IQCM: variants seen among roughly 807,000 people sequenced by gnomAD.
IQCM encodes IQ motif containing M, also known as IQ domain-containing protein M.
Under a neutral mutation model 57.6 loss-of-function variants are expected in IQCM, and 45 were observed. The observed-to-expected ratio is 0.78, with a 90% confidence interval of 0.62 to 1.00. The LOEUF is 1.00. Among genes scored for constraint, IQCM ranks in the 50% least tolerant of loss-of-function variants. IQCM has a pLI of 0.00. For synonymous variants in IQCM, 148 were observed against 158.9 expected, an observed-to-expected ratio of 0.93 and a Z score of 0.51; for missense variants, 468 against 511.6, an observed-to-expected ratio of 0.91 and a Z score of 0.82.
chr4:149,565,794 A>C (rs1384458511), intron 9 of IQCM, among the ~76,000 whole-genome samples: 1 of 152,142 alleles, frequency 6.6e-6, no homozygotes, highest in Admixed American at 6.6e-5. Context: ...TATGTGTGTA[A>C]ATGAAAAAAA....
At chr4:149,780,879 A>G (rs1234422218) in intron 2 of IQCM, among the ~76,000 whole-genome samples, 1 of 152,158 alleles carries the variant, frequency 6.6e-6, no homozygotes, top group Non-Finnish European at 1.5e-5. Flanking sequence ...GGAATGTATT[A>G]AATGCACTGT....
chr4:149,683,216 C>T (rs1762311250), intron 6 of IQCM, among the ~76,000 whole-genome samples: 1 of 150,932 alleles, frequency 6.6e-6, no homozygotes, highest in Non-Finnish European at 1.5e-5. Flanking sequence ...GTTGGTTTTG[C>T]TTTTTTGTTG....
intron 9 of IQCM, among the ~76,000 whole-genome samples, chr4:149,574,155 T>TGTC (rs749548850): frequency 4.6e-5 from 7 of 151,984 alleles, no homozygotes; most frequent in Non-Finnish European, 1.0e-4. Flanking sequence ...GTATTGTGAC[T>TGTC]GTCAGATACA....
chr4:149,409,833 C>T (rs139859944), intron 13 of IQCM, among the ~76,000 whole-genome samples: 1 of 152,272 alleles, frequency 6.6e-6, no homozygotes, highest in Non-Finnish European at 1.5e-5. Flanking sequence ...TTATTGGTCT[C>T]TACCTCTCCT....
chr4:149,371,033 G>A (rs61140595), intron 13 of IQCM, among the ~76,000 whole-genome samples: 12,369 of 152,040 alleles, frequency 0.081, 689 homozygotes, highest in African/African-American at 0.16. Flanking sequence ...GGAATTTCTC[G>A]AATTTCCTTC....
chr4:149,554,660 T>C (rs4835590), intron 10 of IQCM, among the ~76,000 whole-genome samples: 147,769 of 151,832 alleles, frequency 0.97, 72,006 homozygotes, highest in East Asian at 1. Flanking sequence ...TGTTTGTTTC[T>C]TAGCATATTT....
intron 5 of IQCM, among the ~76,000 whole-genome samples, chr4:149,728,995 A>G (rs1766213738): frequency 6.6e-6 from 1 of 152,240 alleles, no homozygotes; most frequent in African/African-American, 2.4e-5. Context: ...AGCATATAGC[A>G]TACAGTAATA....
At chr4:149,717,634 A>G (rs1765111114) in intron 5 of IQCM, among the ~76,000 whole-genome samples, 2 of 152,202 alleles carry the variant, frequency 1.3e-5, no homozygotes, top group African/African-American at 4.8e-5. Context: ...ACTAATTAGC[A>G]TTTAATAATA....
At chr4:149,750,524 T>C (rs901373378) in intron 2 of IQCM, among the ~76,000 whole-genome samples, 2 of 152,222 alleles carry the variant, frequency 1.3e-5, no homozygotes, top group Non-Finnish European at 2.9e-5. Context: ...AACACTACTA[T>C]ATCAGAAATG....
intron 2 of IQCM, among the ~76,000 whole-genome samples, chr4:149,794,013 A>G (rs1481019000): frequency 6.6e-6 from 1 of 152,234 alleles, no homozygotes; most frequent in Non-Finnish European, 1.5e-5. Flanking sequence ...AGTGTTCTAC[A>G]GTGTTTAACA....
At chr4:149,393,047 TG>T (rs1731974463) in intron 13 of IQCM, among the ~76,000 whole-genome samples, 1 of 151,868 alleles carries the variant, frequency 6.6e-6, no homozygotes, top group African/African-American at 2.4e-5. Flanking sequence ...CAGTGGCACA[TG>T]CCTGTAGTCC....
At chr4:149,441,000 C>A (rs1579065746) in intron 12 of IQCM, among the ~76,000 whole-genome samples, 1 of 152,142 alleles carries the variant, frequency 6.6e-6, no homozygotes, top group East Asian at 1.9e-4. Flanking sequence ...TTTCCTGGCC[C>A]TGATTTATTT....
chr4:149,773,112 G>A (rs916548614), intron 2 of IQCM, among the ~76,000 whole-genome samples: 7 of 152,290 alleles, frequency 4.6e-5, no homozygotes, highest in Non-Finnish European at 8.8e-5. Context: ...AGCACTTTGG[G>A]AGGCCGAGGC....
chr4:149,441,599 T>C (rs184728097), intron 12 of IQCM, among the ~76,000 whole-genome samples: 3 of 152,230 alleles, frequency 2.0e-5, no homozygotes, highest in Non-Finnish European at 4.4e-5. Flanking sequence ...TGTACACTTT[T>C]GGGAGTCCAG....
chr4:149,448,179 A>T (rs765569198), intron 12 of IQCM, among the ~76,000 whole-genome samples: 1 of 151,692 alleles, frequency 6.6e-6, no homozygotes, highest in Non-Finnish European at 1.5e-5. Context: ...AATATGCTCT[A>T]TGACTAAATT....
intron 5 of IQCM, among the ~76,000 whole-genome samples, chr4:149,721,116 AT>A (rs1450076133): frequency 6.6e-6 from 1 of 150,426 alleles, no homozygotes; most frequent in African/African-American, 2.5e-5. Context: ...GGTTGAAAAT[AT>A]TTTTTTAAAA....
At chr4:149,713,491 C>T (rs1267504778) in intron 5 of IQCM, among the ~76,000 whole-genome samples, 2 of 152,136 alleles carry the variant, frequency 1.3e-5, no homozygotes, top group Non-Finnish European at 2.9e-5. Flanking sequence ...TAACACTAAC[C>T]CAAGTGGACA....
intron 12 of IQCM, among the ~76,000 whole-genome samples, chr4:149,460,977 G>A (rs919656917): frequency 3.7e-4 from 56 of 152,256 alleles, no homozygotes; most frequent in African/African-American, 1.3e-3. Context: ...GCTCATGCCT[G>A]TAATCCCAGC....
At chr4:149,439,792 C>A (rs1314567082) in intron 12 of IQCM, among the ~76,000 whole-genome samples, 1 of 151,926 alleles carries the variant, frequency 6.6e-6, no homozygotes, top group Admixed American at 6.6e-5. Context: ...GAGAGTAATA[C>A]AATAACACAA....
Sources: gnomAD v4.1 joint callset for allele counts (sites outside exome capture counted in the v4.1 genomes callset) on GRCh38, gnomAD v4.1.1 for gene constraint, MANE v1.5 for transcripts, NCBI Gene and HGNC (gene_info 2026-07-23, HGNC 2026-07-21) for gene names.